IQCE: variants seen among roughly 807,000 people sequenced by gnomAD.
IQCE encodes the protein IQ domain-containing protein E.
Under a neutral mutation model 96.0 loss-of-function variants are expected in IQCE, and 115 were observed. The ratio of observed to expected loss-of-function variants is 1.20; its 90% CI spans 1.03 to 1.40. The LOEUF is 1.40. Among genes scored for constraint, IQCE ranks in the 40% most tolerant of loss-of-function variants. IQCE has a pLI of 0.00. For missense variants in IQCE, 1,041 were observed against 909.1 expected (o/e 1.15, Z -1.87); for synonymous variants, 412 against 371.2 (o/e 1.11, Z -1.26).
chr7:2,564,620 T>C (rs763832190), intron 1 of IQCE, among the ~76,000 whole-genome samples: 6 of 151,996 alleles, frequency 3.9e-5, no homozygotes, highest in African/African-American at 7.3e-5. Flanking sequence ...ATCTATACAT[T>C]TGTGAATTCC....
chr7:2,595,275 T>C (rs1399537609), intron 16 of IQCE, among the ~76,000 whole-genome samples: 6 of 152,200 alleles, frequency 3.9e-5, no homozygotes, highest in Non-Finnish European at 5.9e-5. Context: ...GAGCTGTCAC[T>C]GAGAGGCAGG....
intron 17 of IQCE, among the ~76,000 whole-genome samples, chr7:2,600,746 G>A (rs567056767): frequency 9.3e-4 from 141 of 152,298 alleles, no homozygotes; most frequent in African/African-American, 3.2e-3. Context: ...AATGTGGGAC[G>A]TGCACTCTGA....
intron 8 of IQCE, 36 bp from the exon 9 acceptor site, chr7:2,582,544 G>A (rs769264208): frequency 6.3e-7 from 1 of 1,595,814 alleles, no homozygotes; most frequent in Non-Finnish European, 8.6e-7. Flanking sequence ...AGGGAGAGAG[G>A]GCGTGGCCTG....
chr7:2,559,687 G>A (rs549856219), intron 1 of IQCE, among the ~76,000 whole-genome samples: 97 of 150,628 alleles, frequency 6.4e-4, no homozygotes, highest in African/African-American at 2.3e-3. Context: ...GGGCGAGGGT[G>A]CATGAGCCTT....
chr7:2,571,865 T>G (rs1267107592), intron 4 of IQCE, among the ~76,000 whole-genome samples: 2 of 152,222 alleles, frequency 1.3e-5, no homozygotes, highest in Non-Finnish European at 2.9e-5. Flanking sequence ...TGGTCCCGTG[T>G]GGTCTCTACA....
At chr7:2,574,493 G>A (rs1781978537) in intron 6 of IQCE, among the ~76,000 whole-genome samples, 1 of 152,256 alleles carries the variant, frequency 6.6e-6, no homozygotes, top group Admixed American at 6.5e-5. Flanking sequence ...CTGCTGAGGA[G>A]CAAGTGCGCA....
At chr7:2,593,616 G>A (rs970295724) in intron 15 of IQCE, among the ~76,000 whole-genome samples, 17 of 152,250 alleles carry the variant, frequency 1.1e-4, no homozygotes, top group Non-Finnish European at 2.2e-4. Flanking sequence ...CCTGGTGCTC[G>A]GCAAAGAAAG....
At chr7:2,607,488 C>T (rs918231404) in intron 21 of IQCE, 18 of 1,292,990 alleles carry the variant, frequency 1.4e-5, no homozygotes, top group Middle Eastern at 2.9e-4. Flanking sequence ...CCAACAGGAC[C>T]GAGGTGGCTT....
intron 20 of IQCE, among the ~76,000 whole-genome samples, chr7:2,606,792 A>G (rs980607405): frequency 3.3e-5 from 5 of 152,156 alleles, no homozygotes; most frequent in African/African-American, 1.2e-4. Context: ...GCAGCCTGCA[A>G]GCATGTCCCC....
chr7:2,602,316 G>A lies in IQCE; in HGVS notation c.1632+852G>A, dbSNP rs189683758. On this transcript the variant is annotated intron_variant, in intron 18 of 21. Coordinates refer to ENST00000402050, the MANE Select transcript of IQCE (RefSeq NM_152558.5). Reference sequence around the variant, plus strand: ...ACCCACAGCTGAGAACTGACAGATTGATGAACAGTGCAGTTCCAGCCATGA... The same window carrying A: ...ACCCACAGCTGAGAACTGACAGATTAATGAACAGTGCAGTTCCAGCCATGA... Among the ~76,000 whole-genome samples, 374 of 152,358 alleles carry A rather than the reference G, an allele frequency of 2.5e-3. 3 individuals are homozygous for A. The highest frequency in any genetic ancestry group is 8.6e-3 in the African/African-American group (357 of 41,586).
At chr7:2,588,352 G>GT (rs912778347) in intron 13 of IQCE, among the ~76,000 whole-genome samples, 351 of 148,204 alleles carry the variant, frequency 2.4e-3, no homozygotes, top group African/African-American at 2.7e-3. Context: ...TTTTGTTTTT[G>GT]TTTTTTTTTT....
At position 2,573,583 on chromosome 7, in the gene IQCE, G is replaced by T. The variant is rs75189496; in HGVS notation, c.465+95G>T. On this transcript the variant is annotated intron_variant, in intron 6 of 21. Transcript: ENST00000402050. ...CAGTGCCTGTGCTGGGAGGTGCCCA[G>T]ATGGGAAGAGCGGGAGCGTTAGGGT... 7.4e-3 allele frequency: 5,179 copies of T among 695,944 alleles called. 212 individuals are homozygous for T. The African/African-American group carries it at 0.085, about 11-fold the overall frequency. The allele number at this position is 695,944 out of a possible 1,614,324, so 43.1% of individuals were successfully genotyped here. A position where few individuals can be genotyped will look rare whatever the true frequency, so the allele number is the denominator to read the frequency against.
At position 2,568,959 on chromosome 7, in the gene IQCE, A is replaced by T. The variant is rs1232533769; in HGVS notation, c.90A>T (p.Ala30=). 1.2e-6 allele frequency: 2 copies of T among 1,613,212 alleles called. No individual in the cohort carries two copies. Among genetic ancestry groups the T allele is most frequent in the South Asian group, 2.2e-5 (2 of 91,088 alleles). The stretch of plus-strand genomic sequence containing the variant: ...CCATTTCTTCTTTCTTTCAGAAAGC[A>T]AAAAGGAAAGCTTTCCACAAACCTC... The part of the protein sequence containing the change: ...VTFDSDVETK[A]KRKAFHKPPP... Residue 30 remains alanine (A), a synonymous_variant, in exon 3 of 22, where the codon GCA becomes GCT. Transcript: ENST00000402050.
intron 6 of IQCE, among the ~76,000 whole-genome samples, chr7:2,576,313 A>G (rs895359815): frequency 6.6e-6 from 1 of 152,194 alleles, no homozygotes; most frequent in Non-Finnish European, 1.5e-5. Flanking sequence ...TCTTTCCTGG[A>G]CTTTACCACG....
rs112274087 is a variant in IQCE, at chr7:2,605,888, C to T, written c.1756C>T (p.Pro586Ser). 5.1e-3 allele frequency: 8,153 copies of T among 1,604,434 alleles called. 39 individuals are homozygous for T. Among genetic ancestry groups the T allele is most frequent in the Middle Eastern group, 0.013 (75 of 5,986 alleles). The stretch of plus-strand genomic sequence containing the variant: ...CCTTGCACCCCAGAGCTCTCCTGTG[C>T]CCCGCGTTCCGAGCCCCATCGCCCA... ...PGLPDQSSPVPRVPSPIAQAT... is the reference protein window; with the variant it reads ...PGLPDQSSPVSRVPSPIAQAT... The change falls in exon 20 of 22, where the codon CCC (proline) becomes TCC (serine). Residue 586 changes from proline to serine, a missense_variant. By Grantham distance (74) the Pro-to-Ser change is moderately conservative (BLOSUM62 -1). Coordinates refer to ENST00000402050, the MANE Select transcript of IQCE (RefSeq NM_152558.5).
intron 8 of IQCE, among the ~76,000 whole-genome samples, chr7:2,579,710 TG>T: frequency 7.6e-6 from 1 of 131,544 alleles, no homozygotes; most frequent in Non-Finnish European, 1.6e-5. Context: ...GGTGTGTGTG[TG>T]TGTGTGTGTG....
chr7:2,601,371 A>G, intron 17 of IQCE, 70 bp from the exon 18 acceptor site: 1 of 1,059,334 alleles, frequency 9.4e-7, no homozygotes, highest in Non-Finnish European at 1.4e-6. Context: ...TGGCAAGATG[A>G]AGGAATCAAA....
chr7:2,563,300 G>A (rs569118942), intron 1 of IQCE, among the ~76,000 whole-genome samples: 41 of 152,176 alleles, frequency 2.7e-4, no homozygotes, highest in East Asian at 5.8e-4. Context: ...GGACCCAGGT[G>A]ATTCTCCCAC....
At chr7:2,588,547 G>C (rs1178698848) in intron 13 of IQCE, among the ~76,000 whole-genome samples, 8 of 149,094 alleles carry the variant, frequency 5.4e-5, no homozygotes, top group Admixed American at 2.7e-4. Flanking sequence ...TAGAGACGGG[G>C]TTTCACCATG....
Sources: allele counts gnomAD v4.1 joint callset (sites outside exome capture counted in the v4.1 genomes callset), GRCh38; gene constraint gnomAD v4.1.1; transcripts MANE v1.5; gene names NCBI Gene and HGNC (gene_info 2026-07-23, HGNC 2026-07-21).